Variants in DAGLA observed in about 807,000 individuals in gnomAD.
The protein encoded by DAGLA is diacylglycerol lipase-alpha.
Under a neutral mutation model 102.6 loss-of-function variants are expected in DAGLA, and 22 were observed. That is an observed-to-expected ratio of 0.21 (90% CI 0.15 to 0.31). The LOEUF is 0.31. Ranked by LOEUF, DAGLA falls within the 10% of genes least tolerant of loss-of-function variation. The pLI is 1.00. For synonymous variants in DAGLA, 578 were observed against 628.9 expected, an observed-to-expected ratio of 0.92 and a Z score of 1.21; for missense variants, 927 against 1,446.6, an observed-to-expected ratio of 0.64 and a Z score of 5.83.
At chr11:61,738,575 C>T (rs940782442) in intron 16 of DAGLA, among the ~76,000 whole-genome samples, 2 of 152,220 alleles carry the variant, frequency 1.3e-5, no homozygotes, top group South Asian at 2.1e-4. Flanking sequence ...AGGCCTCTGC[C>T]GAAGCCTCTG....
At position 61,744,206 on chromosome 11, in the gene DAGLA, G is replaced by T; in HGVS notation, c.2846G>T (p.Gly949Val). The T allele has an allele frequency of 3.1e-6, 5 of 1,612,894 alleles. No homozygotes were observed. Among genetic ancestry groups the T allele is most frequent in the East Asian group, 2.2e-5 (1 of 44,870 alleles). ...PESPTSDYAE[G>V]PKSPSQQEIL... ...AGCCCCACCAGTGACTACGCTGAGG[G>T]CCCCAAGTCCCCCAGCCAGCAAGAG... is the stretch of plus-strand genomic sequence containing the variant. Residue 949 changes from glycine (G) to valine (V), a missense_variant, in exon 20 of 20, where the codon GGC becomes GTC. Physicochemically the swap from Gly to Val is moderately radical, Grantham distance 109. Around this residue, in one of 4 missense-constraint regions of DAGLA, gnomAD observed 434 missense variants for 503.3 expected, o/e 0.86. Transcript: ENST00000257215.
intron 1 of DAGLA, among the ~76,000 whole-genome samples, chr11:61,699,566 C>CA (rs2135558842): frequency 6.6e-6 from 1 of 152,372 alleles, no homozygotes; most frequent in East Asian, 1.9e-4. Flanking sequence ...TGCTCCAAGT[C>CA]ACCCAGCCAA....
At chr11:61,720,023 C>T (rs937114325) in intron 1 of DAGLA, 89 bp from the exon 2 acceptor site, 20 of 866,312 alleles carry the variant, frequency 2.3e-5, no homozygotes, top group East Asian at 2.1e-4. Flanking sequence ...CTGGCCACAC[C>T]GGGGACTGGT....
intron 1 of DAGLA, among the ~76,000 whole-genome samples, chr11:61,682,702 T>A (rs561070683): frequency 1.3e-5 from 2 of 152,158 alleles, no homozygotes. Context: ...CCTTTGGCTC[T>A]GGGTTCTGAG....
intron 5 of DAGLA, among the ~76,000 whole-genome samples, chr11:61,725,243 C>G (rs773315432): frequency 7.2e-5 from 11 of 152,176 alleles, no homozygotes; most frequent in Non-Finnish European, 1.5e-4. Context: ...CTGCAGACAT[C>G]CAGCCTAGGA....
At chr11:61,737,967 T>C (rs2065439742) in intron 15 of DAGLA, among the ~76,000 whole-genome samples, 168 bp from the exon 16 acceptor site, 1 of 152,100 alleles carries the variant, frequency 6.6e-6, no homozygotes. Flanking sequence ...ACTCCTCAGC[T>C]CTGCTCTGGG....
chr11:61,697,913 A>C (rs543891985), intron 1 of DAGLA, among the ~76,000 whole-genome samples: 1 of 152,144 alleles, frequency 6.6e-6, no homozygotes, highest in African/African-American at 2.4e-5. Flanking sequence ...GAGCAGTGCC[A>C]GGGCCCTTTC....
chr11:61,693,834 C>T (rs775988085), intron 1 of DAGLA, among the ~76,000 whole-genome samples: 10 of 152,200 alleles, frequency 6.6e-5, no homozygotes, highest in Non-Finnish European at 1.0e-4. Flanking sequence ...GGCTTCACAC[C>T]GCTTCTCCCG....
At chr11:61,685,952 G>C (rs1455264529) in intron 1 of DAGLA, among the ~76,000 whole-genome samples, 1 of 152,182 alleles carries the variant, frequency 6.6e-6, no homozygotes, top group African/African-American at 2.4e-5. Flanking sequence ...AGCCATGATG[G>C]CAGGGCTGAA....
chr11:61,691,628 T>C (rs983711837), intron 1 of DAGLA, among the ~76,000 whole-genome samples: 2 of 152,196 alleles, frequency 1.3e-5, no homozygotes, highest in African/African-American at 4.8e-5. Flanking sequence ...AGGGGCAGGC[T>C]CCACCATGCT....
Position 61,701,124 on chromosome 11 carries a change from C to G in DAGLA, c.-44-18988C>G, listed in dbSNP as rs577598531. 2.6e-5 allele frequency among the ~76,000 whole-genome samples: 4 copies of G among 152,364 alleles called. No individual in the cohort carries two copies. The East Asian group carries it at 7.7e-4, about 29-fold the overall frequency. ...AGGCCCCATGTCCAGCCTGGATTCT[C>G]TGACACCAAGCCCCATGTGTTTTCC... On this transcript the variant is annotated intron_variant, in intron 1 of 19. Coordinates refer to ENST00000257215, the MANE Select transcript of DAGLA (RefSeq NM_006133.3).
At chr11:61,715,129 T>TTAA (rs1164292797) in intron 1 of DAGLA, among the ~76,000 whole-genome samples, 1 of 152,126 alleles carries the variant, frequency 6.6e-6, no homozygotes, top group Non-Finnish European at 1.5e-5. Context: ...ATGCAGCCTG[T>TTAA]TTTAGAGTGC....
chr11:61,734,952 GA>G lies in DAGLA; in HGVS notation c.1079del (p.Asp360AlafsTer4). Reference protein sequence around the residue: ...NAIAIRRHFLDENMTAVDIVY... With the variant: ...NAIAIRRHFLXENMTAVDIVY... The stretch of plus-strand genomic sequence containing the variant: ...CATTGCCATCCGGCGCCACTTCCTG[GA>G]CGAGAACATGACTGCGGTGGACATC... On this transcript the variant is annotated frameshift_variant, in exon 10 of 20. Transcript: ENST00000257215. LOFTEE classifies it high-confidence loss of function. This position sits in a 1 kb window ranked among gnomAD's most constrained non-coding sequence, Gnocchi z 4.2. The G allele has an allele frequency of 6.2e-7, 1 of 1,614,086 alleles. No homozygotes were observed. Among genetic ancestry groups the G allele is most frequent in the Non-Finnish European group, 8.5e-7 (1 of 1,179,970 alleles).
Position 61,743,592 on chromosome 11 carries a change from A to C in DAGLA, c.2232A>C (p.Pro744=), listed in dbSNP as rs1234637145. The change falls in exon 20 of 20, where the codon CCA becomes CCC. Residue 744 remains proline (P), a synonymous_variant. Transcript: ENST00000257215. ...TCTCGGAGGGGCGGCTGCTGTCGCC[A>C]GTGGTTGCGGCGGCGGCCCGCCAGG... ...EGFSEGRLLS[P]VVAAAARQDP... 14 of 1,570,130 alleles carry C rather than the reference A, an allele frequency of 8.9e-6. No homozygotes were observed. Among genetic ancestry groups the C allele is most frequent in the Non-Finnish European group, 1.2e-5 (14 of 1,163,472 alleles).
At position 61,744,497 on chromosome 11, in the gene DAGLA, G is replaced by C; in HGVS notation, c.*8G>C. The C allele has an allele frequency of 6.5e-7, 1 of 1,535,418 alleles. No homozygotes were observed. The highest frequency in any genetic ancestry group is 8.8e-7 in the Non-Finnish European group (1 of 1,139,536). On this transcript the variant is annotated 3_prime_UTR_variant, in exon 20 of 20. Coordinates refer to ENST00000257215, the MANE Select transcript of DAGLA (RefSeq NM_006133.3). ...GTCATCTCAGCACGCTAGCACCCCA[G>C]TTGCGTGGCCAGCCGGGCCCAGGCA...
chr11:61,735,102 C>A, intron 10 of DAGLA, 100 bp downstream of exon 10: 1 of 1,377,212 alleles, frequency 7.3e-7, no homozygotes, highest in Non-Finnish European at 1.0e-6. Context: ...CCTTGCTTGG[C>A]TGGTGCTGGC....
intron 1 of DAGLA, among the ~76,000 whole-genome samples, chr11:61,713,085 C>G (rs2065208085): frequency 6.6e-6 from 1 of 152,184 alleles, no homozygotes; most frequent in African/African-American, 2.4e-5. Flanking sequence ...CCACAGCCTG[C>G]TCCGTGGAAT....
rs1380116773 is a variant in DAGLA, at chr11:61,744,163, T to G, written c.2803T>G (p.Cys935Gly). The change falls in exon 20 of 20, where the codon TGC becomes GGC. Residue 935 changes from cysteine (C) to glycine (G), a missense_variant. Around this residue, in one of 4 missense-constraint regions of DAGLA, gnomAD observed 434 missense variants for 503.3 expected, o/e 0.86. Coordinates refer to ENST00000257215, the MANE Select transcript of DAGLA (RefSeq NM_006133.3). Reference sequence around the variant, plus strand: ...GAGCAGCTCCTTCCAAGACCTCTACTGCATGGTGGTGCCCGAGAGCCCCAC... The same window carrying G: ...GAGCAGCTCCTTCCAAGACCTCTACGGCATGGTGGTGCCCGAGAGCCCCAC... ...SKSSSFQDLY[C>G]MVVPESPTSD... 6.2e-7 allele frequency: 1 copy of G among 1,613,002 alleles called. No individual in the cohort carries two copies. Among genetic ancestry groups the G allele is most frequent in the Admixed American group, 1.7e-5 (1 of 60,024 alleles).
intron 7 of DAGLA, 40 bp from the exon 8 acceptor site, chr11:61,728,890 CT>C (rs770489787): frequency 1.3e-6 from 2 of 1,585,758 alleles, no homozygotes; most frequent in South Asian, 2.2e-5. Context: ...GCAGCCGGGC[CT>C]GGGCCAGTGA....
Sources: allele counts gnomAD v4.1 joint callset (sites outside exome capture counted in the v4.1 genomes callset), GRCh38; gene constraint gnomAD v4.1.1; regional missense constraint gnomAD v4.1.1; non-coding constraint Gnocchi (gnomAD v3.1); transcripts MANE v1.5; gene names NCBI Gene and HGNC (gene_info 2026-07-23, HGNC 2026-07-21).